Variants in CAMTA1 observed in about 807,000 individuals in gnomAD.
CAMTA1 encodes calmodulin-binding transcription activator 1.
CAMTA1 carries 27 observed loss-of-function variants against 170.9 expected under a neutral mutation model. That is an observed-to-expected ratio of 0.16 (90% CI 0.12 to 0.22). The LOEUF (loss-of-function observed/expected upper bound fraction) is 0.22, where lower values mean the gene tolerates loss of function less well. Among genes scored for constraint, CAMTA1 ranks in the 10% least tolerant of loss-of-function variants. CAMTA1 has a pLI of 1.00. For synonymous variants in CAMTA1, 833 were observed against 891.5 expected (o/e 0.93, Z 1.17); for missense variants, 1,619 against 2,217.2 (o/e 0.73, Z 5.42).
At position 7,592,785 on chromosome 1, in the gene CAMTA1, C is replaced by T. The variant is rs578139262; in HGVS notation, c.511-47615C>T. 4.6e-5 allele frequency among the ~76,000 whole-genome samples: 7 copies of T among 152,276 alleles called. No individual in the cohort carries two copies. The South Asian group carries it at 1.5e-3, about 32-fold the overall frequency. On this transcript the variant is annotated intron_variant, in intron 6 of 22. Coordinates refer to ENST00000303635, the MANE Select transcript of CAMTA1 (RefSeq NM_015215.4). The surrounding 1 kb of genome is among the most constrained non-coding windows in gnomAD (Gnocchi z 4.6). The stretch of plus-strand genomic sequence containing the variant: ...GGAAAATGAGGATTCTCCGAGAGCT[C>T]CTCCCCACCCTCACACACCTCAGCC...
At chr1:7,338,781 A>G (rs1231617822) in intron 5 of CAMTA1, among the ~76,000 whole-genome samples, 1 of 152,242 alleles carries the variant, frequency 6.6e-6, no homozygotes, top group Non-Finnish European at 1.5e-5. Context: ...TAAAATGGTG[A>G]ATTTTATGTG....
intron 7 of CAMTA1, among the ~76,000 whole-genome samples, chr1:7,654,007 G>A (rs1398805913): frequency 6.6e-6 from 1 of 152,188 alleles, no homozygotes; most frequent in East Asian, 1.9e-4. Context: ...TCTGTGATTC[G>A]GTGGGTTTGG....
intron 3 of CAMTA1, among the ~76,000 whole-genome samples, chr1:6,889,019 A>G (rs1159966703): frequency 1.3e-5 from 2 of 152,224 alleles, no homozygotes; most frequent in Non-Finnish European, 2.9e-5. Context: ...TATTTATTAC[A>G]CACTGAGGGA....
At chr1:7,405,929 C>T (rs1020215860) in intron 5 of CAMTA1, among the ~76,000 whole-genome samples, 2 of 152,172 alleles carry the variant, frequency 1.3e-5, no homozygotes, top group African/African-American at 4.8e-5. Flanking sequence ...AGCTGCCCTG[C>T]TGTTGGGGAT....
intron 4 of CAMTA1, among the ~76,000 whole-genome samples, chr1:7,099,401 T>C (rs1218726983): frequency 6.6e-6 from 1 of 152,158 alleles, no homozygotes; most frequent in Non-Finnish European, 1.5e-5. Flanking sequence ...GTTTAGTATG[T>C]CAAATGGCCC....
At position 7,437,823 on chromosome 1, in the gene CAMTA1, C is replaced by T. The variant is rs530029037; in HGVS notation, c.439-30007C>T. ...CATTCACTCATTCAGCGAGTACGAC[C>T]GGCTCCTACACGGTCGGGCGGTGTG... On this transcript the variant is annotated intron_variant, in intron 5 of 22. Coordinates refer to ENST00000303635, the MANE Select transcript of CAMTA1 (RefSeq NM_015215.4). Among the ~76,000 whole-genome samples the T allele has an allele frequency of 9.8e-5, 15 of 152,298 alleles. No homozygotes were observed. In the East Asian group the frequency reaches 2.1e-3, roughly 22 times the overall value.
At chr1:7,072,373 C>G (rs1377821253) in intron 3 of CAMTA1, among the ~76,000 whole-genome samples, 2 of 152,184 alleles carry the variant, frequency 1.3e-5, no homozygotes, top group Non-Finnish European at 2.9e-5. Flanking sequence ...AATCTGAAAC[C>G]TGGCACCAGC....
intron 11 of CAMTA1, among the ~76,000 whole-genome samples, chr1:7,730,608 G>A (rs2096724487): frequency 6.6e-6 from 1 of 152,058 alleles, no homozygotes; most frequent in South Asian, 2.1e-4. Context: ...TAAAATTTGT[G>A]AGGTGTGGCC....
intron 3 of CAMTA1, among the ~76,000 whole-genome samples, chr1:6,874,792 G>A (rs1669362944): frequency 1.3e-5 from 2 of 152,078 alleles, no homozygotes; most frequent in Admixed American, 1.3e-4. Flanking sequence ...GAAACCTGAG[G>A]GACAGACCCA....
At chr1:6,982,912 G>T (rs1694687834) in intron 3 of CAMTA1, among the ~76,000 whole-genome samples, 1 of 152,208 alleles carries the variant, frequency 6.6e-6, no homozygotes, top group South Asian at 2.1e-4. Flanking sequence ...GGCCTGGTTT[G>T]TGGGCCTCCT....
At chr1:7,206,657 C>T (rs1657786151) in intron 4 of CAMTA1, among the ~76,000 whole-genome samples, 1 of 152,144 alleles carries the variant, frequency 6.6e-6, no homozygotes, top group African/African-American at 2.4e-5. Flanking sequence ...TTTGGATGGA[C>T]ATTTAGATTG....
intron 4 of CAMTA1, among the ~76,000 whole-genome samples, chr1:7,209,957 C>T (rs1003587013): frequency 6.6e-6 from 1 of 152,196 alleles, no homozygotes; most frequent in Admixed American, 6.5e-5. Flanking sequence ...TGTGTGCATG[C>T]ACATGACTGA....
intron 5 of CAMTA1, among the ~76,000 whole-genome samples, chr1:7,285,438 T>C (rs1672218946): frequency 5.9e-5 from 9 of 152,162 alleles, no homozygotes; most frequent in Admixed American, 5.9e-4. Context: ...GGGAACATTG[T>C]AGCCCATGGC....
chr1:7,389,669 G>C (rs896514167), intron 5 of CAMTA1: 8 of 152,532 alleles, frequency 5.2e-5, no homozygotes, highest in African/African-American at 1.7e-4. Flanking sequence ...TGTAGGGTGT[G>C]GGGGTAGAAA....
At chr1:7,488,169 A>G (rs550552737) in intron 6 of CAMTA1, among the ~76,000 whole-genome samples, 1 of 152,254 alleles carries the variant, frequency 6.6e-6, no homozygotes, top group Non-Finnish European at 1.5e-5. Flanking sequence ...TCTCTCTGCA[A>G]TCTCTCTAGA....
At position 7,412,821 on chromosome 1, in the gene CAMTA1, G is replaced by C. The variant is rs2149268789; in HGVS notation, c.439-55009G>C. 2.0e-5 allele frequency among the ~76,000 whole-genome samples: 3 copies of C among 152,228 alleles called. No individual in the cohort carries two copies. The Middle Eastern group carries it at 0.01, about 518-fold the overall frequency. On this transcript the variant is annotated intron_variant, in intron 5 of 22. Transcript: ENST00000303635. ...TTGCTTTTGGTGTTTTAGACATGAA[G>C]TCCTTGCCCATGCCTATGTCCTGAA...
chr1:7,143,548 C>T (rs1646008731), intron 4 of CAMTA1, among the ~76,000 whole-genome samples: 1 of 152,150 alleles, frequency 6.6e-6, no homozygotes, highest in African/African-American at 2.4e-5. Context: ...TGCAGGATCT[C>T]CTTCCGCCAG....
chr1:7,539,860 G>A (rs373373979), intron 6 of CAMTA1, among the ~76,000 whole-genome samples: 27 of 152,340 alleles, frequency 1.8e-4, no homozygotes, highest in African/African-American at 5.3e-4. Flanking sequence ...GAGAACTAGC[G>A]GGCCAGGTAG....
intron 6 of CAMTA1, among the ~76,000 whole-genome samples, chr1:7,629,693 A>C (rs914900960): frequency 2.0e-5 from 3 of 152,020 alleles, no homozygotes; most frequent in African/African-American, 7.2e-5. Flanking sequence ...GCCCCTCCTC[A>C]GTTGGTGCTC....
Sources: allele counts gnomAD v4.1 joint callset (sites outside exome capture counted in the v4.1 genomes callset), GRCh38; gene constraint gnomAD v4.1.1; non-coding constraint Gnocchi (gnomAD v3.1); transcripts MANE v1.5; gene names NCBI Gene and HGNC (gene_info 2026-07-23, HGNC 2026-07-21).